The following STK32B variants were observed in gnomAD, a reference collection of about 807,000 sequenced individuals.
STK32B encodes the protein serine/threonine-protein kinase 32B.
A neutral mutation model predicts 52.6 loss-of-function variants in STK32B; 43 were observed. That is an observed-to-expected ratio of 0.82 (90% CI 0.64 to 1.05). STK32B has a LOEUF of 1.05. Ranked by LOEUF, STK32B falls within the 50% of genes least tolerant of loss-of-function variation. The pLI, the probability that STK32B is intolerant of heterozygous loss-of-function variation, is 0.00. For synonymous variants in STK32B, 238 were observed against 204.3 expected (o/e 1.17, Z -1.41); for missense variants, 621 against 534.6 (o/e 1.16, Z -1.59).
intron 3 of STK32B, among the ~76,000 whole-genome samples, chr4:5,168,822 A>G (rs10022435): frequency 0.39 from 59,201 of 152,004 alleles, 12,168 homozygotes; most frequent in African/African-American, 0.49. Context: ...GGGCAACTGG[A>G]AACCAGTATT....
intron 3 of STK32B, among the ~76,000 whole-genome samples, chr4:5,226,743 G>A (rs1382855057): frequency 2.6e-5 from 4 of 152,166 alleles, no homozygotes; most frequent in Non-Finnish European, 4.4e-5. Context: ...AAGAGAAATT[G>A]TTAATCTCTT....
intron 4 of STK32B, among the ~76,000 whole-genome samples, chr4:5,346,295 G>A (rs540466510): frequency 2.6e-5 from 4 of 152,278 alleles, no homozygotes; most frequent in South Asian, 2.1e-4. Flanking sequence ...AAGGCTCATC[G>A]CTCATTTAAT....
chr4:5,425,972 A>T (rs1403221503), intron 6 of STK32B, among the ~76,000 whole-genome samples: 1 of 152,178 alleles, frequency 6.6e-6, no homozygotes, highest in Non-Finnish European at 1.5e-5. Flanking sequence ...CTGTTGCTGG[A>T]TATACATACA....
intron 4 of STK32B, among the ~76,000 whole-genome samples, chr4:5,382,247 A>C (rs1251981193): frequency 1.3e-5 from 2 of 152,212 alleles, no homozygotes; most frequent in African/African-American, 4.8e-5. Flanking sequence ...TAACTCATAA[A>C]GTTAACCATC....
At chr4:5,160,898 C>G (rs755560734) in intron 2 of STK32B, among the ~76,000 whole-genome samples, 3 of 152,134 alleles carry the variant, frequency 2.0e-5, no homozygotes, top group Non-Finnish European at 4.4e-5. Context: ...GTAACATGAC[C>G]TGTGAGCACA....
intron 4 of STK32B, among the ~76,000 whole-genome samples, chr4:5,369,961 C>T (rs922884758): frequency 2.0e-5 from 3 of 151,660 alleles, no homozygotes; most frequent in East Asian, 1.9e-4. Flanking sequence ...CTGCAAGCTC[C>T]GCCTCCTGGG....
intron 4 of STK32B, among the ~76,000 whole-genome samples, chr4:5,397,033 T>G (rs574284189): frequency 6.6e-6 from 1 of 152,296 alleles, no homozygotes; most frequent in South Asian, 2.1e-4. Context: ...AAAATAAAAA[T>G]TTAAATGTAT....
chr4:5,251,578 C>G (rs193013929), intron 3 of STK32B, among the ~76,000 whole-genome samples: 1 of 151,998 alleles, frequency 6.6e-6, no homozygotes, highest in Non-Finnish European at 1.5e-5. Context: ...TCTTTTGGTT[C>G]CATATGAATT....
At chr4:5,162,471 C>G (rs1242724369) in intron 2 of STK32B, among the ~76,000 whole-genome samples, 1 of 152,208 alleles carries the variant, frequency 6.6e-6, no homozygotes, top group Non-Finnish European at 1.5e-5. Flanking sequence ...CTCCAGCCAC[C>G]TTCTCCACTG....
At chr4:5,144,491 G>A (rs533351322) in intron 2 of STK32B, among the ~76,000 whole-genome samples, 1 of 152,276 alleles carries the variant, frequency 6.6e-6, no homozygotes, top group Admixed American at 6.5e-5. Context: ...AGGAGGACCT[G>A]TCTGGACACA....
chr4:5,486,369 T>A (rs1577050541), intron 11 of STK32B, among the ~76,000 whole-genome samples: 1 of 152,254 alleles, frequency 6.6e-6, no homozygotes, highest in Middle Eastern at 3.4e-3. Context: ...GCTCCGTGGG[T>A]GTAGGATCCT....
chr4:5,115,372 C>T (rs1714657594), intron 1 of STK32B, among the ~76,000 whole-genome samples: 1 of 152,170 alleles, frequency 6.6e-6, no homozygotes, highest in Admixed American at 6.5e-5. Flanking sequence ...GGTAGACACA[C>T]ATATGTGAGC....
At chr4:5,262,648 G>A (rs1442235755) in intron 3 of STK32B, among the ~76,000 whole-genome samples, 1 of 139,282 alleles carries the variant, frequency 7.2e-6, no homozygotes, top group Non-Finnish European at 1.5e-5. Context: ...AAATGGCAGT[G>A]TGGACTCATA....
At chr4:5,278,982 C>A (rs1728019365) in intron 3 of STK32B, among the ~76,000 whole-genome samples, 1 of 152,122 alleles carries the variant, frequency 6.6e-6, no homozygotes, top group Non-Finnish European at 1.5e-5. Context: ...GGTCCCTACC[C>A]CAACACTGAC....
intron 1 of STK32B, among the ~76,000 whole-genome samples, chr4:5,095,124 A>G (rs919167111): frequency 3.3e-5 from 5 of 151,994 alleles, no homozygotes; most frequent in Non-Finnish European, 7.4e-5. Context: ...CTGGGAGGAG[A>G]GGGCTGTAGG....
chr4:5,438,934 A>G (rs370737269), intron 6 of STK32B, among the ~76,000 whole-genome samples: 1 of 151,886 alleles, frequency 6.6e-6, no homozygotes, highest in East Asian at 1.9e-4. Flanking sequence ...ACATGAACTC[A>G]TCATTTTTTA....
rs540593045 is a variant in STK32B at position 5,311,907 on chromosome 4, T to C, written c.261-19313T>C. Among the ~76,000 whole-genome samples, 5 of 146,084 alleles carry C rather than the reference T, an allele frequency of 3.4e-5. No homozygotes were observed. The East Asian group carries it at 9.8e-4, about 29-fold the overall frequency. ...TGGAAGAGAAGTGCATACTTTTATA[T>C]ATATATATTTTTTTTTAAAGTTTAT... is the stretch of plus-strand genomic sequence containing the variant. On this transcript the variant is annotated intron_variant, in intron 3 of 11. Coordinates refer to ENST00000282908, the MANE Select transcript of STK32B (RefSeq NM_018401.3).
At chr4:5,092,892 C>T (rs1009010231) in intron 1 of STK32B, among the ~76,000 whole-genome samples, 1 of 152,046 alleles carries the variant, frequency 6.6e-6, no homozygotes, top group African/African-American at 2.4e-5. Flanking sequence ...AACTGTATCA[C>T]ATCGTGAATT....
chr4:5,287,647 A>C (rs1336681757), intron 3 of STK32B, among the ~76,000 whole-genome samples: 1 of 151,952 alleles, frequency 6.6e-6, no homozygotes, highest in South Asian at 2.1e-4. Context: ...TTTTATGTAC[A>C]TGTAAATAAT....
Sources: allele counts gnomAD v4.1 joint callset (sites outside exome capture counted in the v4.1 genomes callset), GRCh38; gene constraint gnomAD v4.1.1; transcripts MANE v1.5; gene names NCBI Gene and HGNC (gene_info 2026-07-23, HGNC 2026-07-21).